Variants in SGK3 observed in about 807,000 individuals in gnomAD.
SGK3 encodes serine/threonine-protein kinase Sgk3.
In SGK3, 47 loss-of-function variants were observed where a neutral mutation model predicts 68.5. The ratio of observed to expected loss-of-function variants is 0.69; its 90% CI spans 0.54 to 0.87. SGK3 has a LOEUF of 0.87. Among genes scored for constraint, SGK3 ranks in the 40% least tolerant of loss-of-function variants. The probability of loss-of-function intolerance (pLI) is 0.00; values close to 1 mark genes in which losing one functional copy is unlikely to be tolerated. For synonymous variants in SGK3, 181 were observed against 189.1 expected, an observed-to-expected ratio of 0.96 and a Z score of 0.35; for missense variants, 479 against 575.5, an observed-to-expected ratio of 0.83 and a Z score of 1.72.
At chr8:66,822,528 A>T (rs1808886073) in intron 6 of SGK3, 69 bp downstream of exon 6, 1 of 1,456,480 alleles carries the variant, frequency 6.9e-7, no homozygotes. Flanking sequence ...TGGCTTTAGG[A>T]CACTTACTTC....
intron 1 of SGK3, among the ~76,000 whole-genome samples, chr8:66,744,483 GTATATATATATA>G (rs869176585): frequency 7.9e-4 from 32 of 40,744 alleles, no homozygotes; most frequent in East Asian, 4.1e-3. Context: ...GTGTGTGTGT[GTATATATATATA>G]TATATATATA....
At chr8:66,846,460 G>A (rs184527306) in intron 14 of SGK3, among the ~76,000 whole-genome samples, 16 of 152,136 alleles carry the variant, frequency 1.1e-4, no homozygotes, top group East Asian at 5.8e-4. Context: ...GACTACTGGC[G>A]TACACCACCA....
intron 1 of SGK3, among the ~76,000 whole-genome samples, chr8:66,720,061 A>G (rs1804753239): frequency 6.6e-6 from 1 of 152,234 alleles, no homozygotes; most frequent in Non-Finnish European, 1.5e-5. Flanking sequence ...GCCACCTGCC[A>G]TGCCCCAGCC....
rs144238642 is a variant in SGK3 at position 66,822,602 on chromosome 8, A to G, written c.417+143A>G. On this transcript the variant is annotated intron_variant, in intron 6 of 16. Coordinates refer to ENST00000521198, the MANE Select transcript of SGK3 (RefSeq NM_001033578.3). ...GTAGAACACATAAAAACAAATGCAT[A>G]TACCTCTTACAGATCACTATTTCTT... is the stretch of plus-strand genomic sequence containing the variant. 9 of 629,376 alleles carry G rather than the reference A, an allele frequency of 1.4e-5. No homozygotes were observed. The African/African-American group carries it at 1.7e-4, about 12-fold the overall frequency. 39.0% of individuals were successfully genotyped at this position (629,376 alleles called of 1,614,324 possible). A position where few individuals can be genotyped will look rare whatever the true frequency, so the allele number is the denominator to read the frequency against.
intron 4 of SGK3, among the ~76,000 whole-genome samples, chr8:66,809,275 T>A (rs768955278): frequency 1.3e-5 from 2 of 152,198 alleles, no homozygotes; most frequent in Non-Finnish European, 2.9e-5. Context: ...TTGTGATCTC[T>A]AAATACCATT....
At chr8:66,822,310 A>T in intron 5 of SGK3, 62 bp from the exon 6 acceptor site, 1 of 1,449,734 alleles carries the variant, frequency 6.9e-7, no homozygotes, top group Non-Finnish European at 9.3e-7. Flanking sequence ...TTTTCATTTT[A>T]AAAGGGAGAA....
intron 16 of SGK3, among the ~76,000 whole-genome samples, chr8:66,852,931 G>C (rs2130753119): frequency 1.3e-5 from 2 of 152,194 alleles, no homozygotes; most frequent in South Asian, 4.1e-4. Context: ...AATGTTGAAG[G>C]GACTCCTAAG....
intron 6 of SGK3, among the ~76,000 whole-genome samples, chr8:66,828,125 GAAA>G (rs1157693194): frequency 1.5e-5 from 2 of 136,794 alleles, no homozygotes; most frequent in Non-Finnish European, 3.2e-5. Flanking sequence ...CTCCGTCTCA[GAAA>G]AAAAAAAAAG....
chr8:66,796,278 A>AGGTG, intron 2 of SGK3, among the ~76,000 whole-genome samples: 1 of 148,148 alleles, frequency 6.8e-6, no homozygotes, highest in Admixed American at 6.8e-5. Context: ...CTGGGACTAC[A>AGGTG]GATGCATGCC....
At chr8:66,762,653 T>G (rs1806209708) in intron 1 of SGK3, among the ~76,000 whole-genome samples, 1 of 152,238 alleles carries the variant, frequency 6.6e-6, no homozygotes, top group Non-Finnish European at 1.5e-5. Context: ...TCATAATTTT[T>G]TTAGTTGTTT....
At chr8:66,719,199 T>C (rs1804728686) in intron 1 of SGK3, among the ~76,000 whole-genome samples, 1 of 152,360 alleles carries the variant, frequency 6.6e-6, no homozygotes, top group Middle Eastern at 3.4e-3. Context: ...GCTGTTTTTA[T>C]ACCCTTCTAA....
intron 8 of SGK3, among the ~76,000 whole-genome samples, chr8:66,832,771 T>C (rs538371748): frequency 2.0e-5 from 3 of 152,102 alleles, no homozygotes; most frequent in African/African-American, 4.8e-5. Context: ...TTTTGGAAAC[T>C]TCATGTTTAG....
In SGK3 at chr8:66,853,659, A is replaced by G. The variant is rs562781890; in HGVS notation, c.1320+2739A>G. ...TCTACATTAAAAAAGGACTGGAAGC[A>G]GTTTATTTCTCTGTTTACAATGGGT... is the stretch of plus-strand genomic sequence containing the variant. On this transcript the variant is annotated intron_variant, in intron 16 of 16. Coordinates refer to ENST00000521198, the MANE Select transcript of SGK3 (RefSeq NM_001033578.3). Among the ~76,000 whole-genome samples the G allele has an allele frequency of 3.9e-5, 6 of 152,302 alleles. No individual in the cohort carries two copies. The East Asian group carries it at 1.2e-3, about 29-fold the overall frequency.
rs147809854 is a variant in SGK3, at chr8:66,781,281, A to T, written c.-121-12335A>T. Among the ~76,000 whole-genome samples, 6 of 152,308 alleles carry T rather than the reference A, an allele frequency of 3.9e-5. No individual in the cohort carries two copies. In the East Asian group the frequency reaches 5.8e-4, roughly 15 times the overall value. Reference sequence around the variant, plus strand: ...TACCATCTCTACCAGTCGGTTCTGGACCAAGTGGAGGGACATGACATGGTT... The same window carrying T: ...TACCATCTCTACCAGTCGGTTCTGGTCCAAGTGGAGGGACATGACATGGTT... On this transcript the variant is annotated intron_variant, in intron 1 of 16. Coordinates refer to ENST00000521198, the MANE Select transcript of SGK3 (RefSeq NM_001033578.3).
chr8:66,713,154 G>A (rs1323720552), intron 1 of SGK3, among the ~76,000 whole-genome samples: 1 of 152,248 alleles, frequency 6.6e-6, no homozygotes, highest in Non-Finnish European at 1.5e-5. Flanking sequence ...GAAAGTGGGT[G>A]CAGGTCACCT....
chr8:66,856,562 T>G (rs996881025), intron 16 of SGK3, among the ~76,000 whole-genome samples: 2 of 152,182 alleles, frequency 1.3e-5, no homozygotes, highest in Non-Finnish European at 2.9e-5. Context: ...ATTTTTGGCT[T>G]TTGGAGCATT....
At chr8:66,762,297 C>T (rs973273749) in intron 1 of SGK3, among the ~76,000 whole-genome samples, 6 of 152,098 alleles carry the variant, frequency 3.9e-5, no homozygotes, top group African/African-American at 1.4e-4. Context: ...AACATAACAT[C>T]AGCTGGACGT....
intron 1 of SGK3, among the ~76,000 whole-genome samples, chr8:66,735,715 A>G (rs1355257991): frequency 1.3e-5 from 2 of 152,188 alleles, no homozygotes; most frequent in Non-Finnish European, 2.9e-5. Flanking sequence ...ACATTTTCAC[A>G]TTAAAAAGCC....
chr8:66,723,131 A>ATATATATTTTT (rs1554591219), intron 1 of SGK3, among the ~76,000 whole-genome samples: 2 of 29,494 alleles, frequency 6.8e-5, no homozygotes, highest in Non-Finnish European at 1.2e-4. Context: ...ATATATATAT[A>ATATATATTTTT]TTTTTTTTTT....
Sources: allele counts gnomAD v4.1 joint callset (sites outside exome capture counted in the v4.1 genomes callset), GRCh38; gene constraint gnomAD v4.1.1; transcripts MANE v1.5; gene names NCBI Gene and HGNC (gene_info 2026-07-23, HGNC 2026-07-21).